The following THADA variants were observed in gnomAD, a reference collection of about 807,000 sequenced individuals.
THADA encodes the protein tRNA (32-2'-O)-methyltransferase regulator THADA.
A neutral mutation model predicts 219.8 loss-of-function variants in THADA; 213 were observed. The observed-to-expected ratio is 0.97, with a 90% CI of 0.87 to 1.09. THADA has a LOEUF of 1.09. Among genes scored for constraint, THADA ranks in the 50% least tolerant of loss-of-function variants. The pLI, the probability that THADA is intolerant of heterozygous loss-of-function variation, is 0.00. For synonymous variants in THADA, 1,018 were observed against 828.9 expected (o/e 1.23, Z -3.92); for missense variants, 2,956 against 2,311.3 (o/e 1.28, Z -5.72).
At chr2:43,466,758 A>C (rs565099456) in intron 26 of THADA, among the ~76,000 whole-genome samples, 43 of 152,342 alleles carry the variant, frequency 2.8e-4, no homozygotes, top group African/African-American at 1.0e-3. Context: ...TCCCCATTCA[A>C]GACATGAGGC....
intron 29 of THADA, among the ~76,000 whole-genome samples, chr2:43,348,204 A>G (rs867553325): frequency 6.6e-6 from 1 of 152,224 alleles, no homozygotes. Flanking sequence ...AGATCTGGCT[A>G]TAGCGGCCCA....
chr2:43,293,195 A>G lies in THADA; in HGVS notation c.4457T>C (p.Phe1486Ser), dbSNP rs1314184857. ...GATAATCCCTCTGACTTCCTCCCAGAAGCCAAGACTCTCCAGAACTAAGAA... is the reference window on the plus strand; with the variant it reads ...GATAATCCCTCTGACTTCCTCCCAGGAGCCAAGACTCTCCAGAACTAAGAA... ...DNQPVLESLG[F>S]WEEVRGIISG... is the part of the protein sequence containing the mutation. The change falls in exon 32 of 38, where the codon TTC becomes TCC. Residue 1486 changes from phenylalanine to serine, a missense_variant. By Grantham distance (155) the Phe-to-Ser change is radical. Transcript: ENST00000405975. 2.5e-6 allele frequency: 4 copies of G among 1,610,196 alleles called. No homozygotes were observed. The highest frequency in any genetic ancestry group is 3.4e-6 in the Non-Finnish European group (4 of 1,177,138).
At chr2:43,435,844 C>T (rs1680037495) in intron 26 of THADA, among the ~76,000 whole-genome samples, 2 of 148,716 alleles carry the variant, frequency 1.3e-5, no homozygotes, top group African/African-American at 2.5e-5. Context: ...TTTTTTTAAC[C>T]TATTTTGAAA....
At position 43,577,218 on chromosome 2, in the gene THADA, C is replaced by A. The variant is rs775499084; in HGVS notation, c.841G>T (p.Val281Leu). ...CACTCGGGGACACTGGTGCAGTCCACTGAACGAAGCAGCACACTGCTAATC... is the reference window on the plus strand; with the variant it reads ...CACTCGGGGACACTGGTGCAGTCCAATGAACGAAGCAGCACACTGCTAATC... ...HLISSVLLRS[V>L]DCTSVPEWFM... The change falls in exon 10 of 38, where the codon GTG (valine) becomes TTG (leucine). Residue 281 changes from valine (V) to leucine (L), a missense_variant. By Grantham distance (32) the Val-to-Leu change is conservative (BLOSUM62 1). Transcript: ENST00000405975. The A allele has an allele frequency of 1.4e-5, 22 of 1,596,568 alleles. No individual in the cohort carries two copies. In the East Asian group the frequency reaches 3.6e-4, roughly 26 times the overall value.
At chr2:43,514,337 G>C (rs745864145) in intron 22 of THADA, among the ~76,000 whole-genome samples, 2 of 150,300 alleles carry the variant, frequency 1.3e-5, no homozygotes, top group Non-Finnish European at 3.0e-5. Context: ...TGTAGTCTCA[G>C]CTACTTGGGA....
chr2:43,362,613 G>A (rs1252081507), intron 29 of THADA, among the ~76,000 whole-genome samples: 2 of 152,144 alleles, frequency 1.3e-5, no homozygotes, highest in African/African-American at 2.4e-5. Context: ...GTGAGTGAAT[G>A]TGAAGGCCTA....
At chr2:43,311,773 C>T (rs535004889) in intron 31 of THADA, among the ~76,000 whole-genome samples, 1 of 152,310 alleles carries the variant, frequency 6.6e-6, no homozygotes, top group South Asian at 2.1e-4. Flanking sequence ...GGTATGATTC[C>T]ATTTACATGA....
At chr2:43,518,263 T>C (rs1043505969) in intron 22 of THADA, among the ~76,000 whole-genome samples, 2 of 151,998 alleles carry the variant, frequency 1.3e-5, no homozygotes, top group African/African-American at 4.8e-5. Flanking sequence ...ACAAACCAGG[T>C]TGACAAAGAA....
At chr2:43,514,352 G>C (rs2103619288) in intron 22 of THADA, among the ~76,000 whole-genome samples, 1 of 150,290 alleles carries the variant, frequency 6.7e-6, no homozygotes, top group Admixed American at 6.7e-5. Context: ...TTGGGAGGCT[G>C]AGGTGGGAGG....
chr2:43,394,187 A>C (rs754474849), intron 29 of THADA, among the ~76,000 whole-genome samples: 13 of 152,174 alleles, frequency 8.5e-5, no homozygotes, highest in Non-Finnish European at 1.8e-4. Flanking sequence ...CACCTTTTCT[A>C]ATGTGTGTTA....
rs761883837 is a variant in THADA, at chr2:43,556,444, C to G, written c.2575G>C (p.Asp859His). 2.5e-6 allele frequency: 4 copies of G among 1,613,828 alleles called. No homozygotes were observed. The highest frequency in any genetic ancestry group is 1.7e-6 in the Non-Finnish European group (2 of 1,179,830). The change falls in exon 17 of 38, where the codon GAT (aspartate) becomes CAT (histidine). Residue 859 changes from aspartate (D) to histidine (H), a missense_variant. Coordinates refer to ENST00000405975, the MANE Select transcript of THADA (RefSeq NM_022065.5). ...SYLLNFLIWQDALPSSLSAYL... is the reference protein window; with the variant it reads ...SYLLNFLIWQHALPSSLSAYL... ...GCAGACAAGGATGACGGTAGAGCAT[C>G]CTGCCAGATTAAGAAGTTCAGCAGG...
At chr2:43,567,949 T>G (rs1292492619) in intron 14 of THADA, among the ~76,000 whole-genome samples, 1 of 152,204 alleles carries the variant, frequency 6.6e-6, no homozygotes, top group Admixed American at 6.5e-5. Flanking sequence ...TTTTATGTCA[T>G]TCACATCAGT....
At chr2:43,593,899 C>T (rs949142765) in intron 1 of THADA, among the ~76,000 whole-genome samples, 2 of 152,142 alleles carry the variant, frequency 1.3e-5, no homozygotes, top group Non-Finnish European at 2.9e-5. Context: ...CCCCAAAGTG[C>T]TGGGATTACA....
intron 10 of THADA, among the ~76,000 whole-genome samples, chr2:43,576,392 C>T (rs1335940801): frequency 6.6e-6 from 1 of 152,152 alleles, no homozygotes; most frequent in African/African-American, 2.4e-5. Context: ...TCTAAGATTG[C>T]TGTTTCAGGT....
chr2:43,304,153 C>T (rs1676576014), intron 31 of THADA, among the ~76,000 whole-genome samples: 1 of 152,086 alleles, frequency 6.6e-6, no homozygotes, highest in African/African-American at 2.4e-5. Context: ...AGTTCCTGGC[C>T]TTCACTCTTA....
chr2:43,380,416 T>C (rs561398854), intron 29 of THADA, among the ~76,000 whole-genome samples: 31 of 152,178 alleles, frequency 2.0e-4, no homozygotes, highest in Non-Finnish European at 4.0e-4. Flanking sequence ...AAATGAGTAG[T>C]AGATGACAGG....
At chr2:43,269,173 G>C (rs192164331) in intron 36 of THADA, among the ~76,000 whole-genome samples, 2 of 152,306 alleles carry the variant, frequency 1.3e-5, no homozygotes, top group East Asian at 3.9e-4. Context: ...TGACTAACAG[G>C]GAAGACAACA....
intron 26 of THADA, among the ~76,000 whole-genome samples, chr2:43,453,792 T>C (rs1332707221): frequency 6.6e-6 from 1 of 152,226 alleles, no homozygotes; most frequent in Non-Finnish European, 1.5e-5. Flanking sequence ...GTGTTTCCGC[T>C]TAATAGCCAG....
chr2:43,429,300 T>C (rs1573600781), intron 27 of THADA, among the ~76,000 whole-genome samples: 1 of 152,066 alleles, frequency 6.6e-6, no homozygotes, highest in African/African-American at 2.4e-5. Context: ...AGAGACAGGG[T>C]TTCGCCATGC....
Sources: allele counts gnomAD v4.1 joint callset (sites outside exome capture counted in the v4.1 genomes callset), GRCh38; gene constraint gnomAD v4.1.1; transcripts MANE v1.5; gene names NCBI Gene and HGNC (gene_info 2026-07-23, HGNC 2026-07-21).